Variants in RPUSD1 observed in about 807,000 individuals in gnomAD.
The protein encoded by RPUSD1 is RNA pseudouridine synthase domain containing 1, also known as pseudouridylate synthase RPUSD1.
RPUSD1 carries 28 observed loss-of-function variants against 22.4 expected under a neutral mutation model. The ratio of observed to expected loss-of-function variants is 1.25; its 90% CI spans 0.93 to 1.72. The LOEUF is 1.72. Among genes scored for constraint, RPUSD1 ranks in the 40% most tolerant of loss-of-function variants. RPUSD1 has a pLI of 0.00. For synonymous variants in RPUSD1, 298 were observed against 201.0 expected, an observed-to-expected ratio of 1.48 and a Z score of -4.08; for missense variants, 596 against 442.2, an observed-to-expected ratio of 1.35 and a Z score of -3.12.
Position 786,730 on chromosome 16 carries a change from C to G in RPUSD1, c.511+97G>C, listed in dbSNP as rs755724173. 3 of 1,006,294 alleles carry G rather than the reference C, an allele frequency of 3.0e-6. No individual in the cohort carries two copies. In the East Asian group the frequency reaches 7.1e-5, roughly 24 times the overall value. The allele number at this position is 1,006,294 out of a possible 1,614,324, so 62.3% of individuals were successfully genotyped here. On this transcript the variant is annotated intron_variant, in intron 5 of 5. Coordinates refer to ENST00000007264, the MANE Select transcript of RPUSD1 (RefSeq NM_058192.3). ...AACGCAGGAGTGCTTGTTGCCAGCTCTGCCCTGATGCTCAGGGTGGCCCAA... is the reference window on the plus strand; with the variant it reads ...AACGCAGGAGTGCTTGTTGCCAGCTGTGCCCTGATGCTCAGGGTGGCCCAA...
intron 3 of RPUSD1, 59 bp downstream of exon 3, chr16:787,295 C>T (rs894982399): frequency 6.4e-7 from 1 of 1,550,744 alleles, no homozygotes. Context: ...CCAGGGCTGC[C>T]CAAGTGGGGT....
chr16:786,476 T>G (rs961785192), intron 5 of RPUSD1, 99 bp from the exon 6 acceptor site: 2 of 1,224,230 alleles, frequency 1.6e-6, no homozygotes, highest in Non-Finnish European at 2.3e-6. Flanking sequence ...CCCGCTGCAG[T>G]CTTGAAGCAG....
chr16:785,897 C>T lies in RPUSD1; in HGVS notation c.*53G>A. 1 of 1,361,622 alleles carries T rather than the reference C, an allele frequency of 7.3e-7. No homozygotes were observed. The highest frequency in any genetic ancestry group is 3.2e-5 in the Admixed American group (1 of 31,686). The allele number at this position is 1,361,622 out of a possible 1,614,324, so 84.3% of individuals were successfully genotyped here. A position where few individuals can be genotyped will look rare whatever the true frequency, so the allele number is the denominator to read the frequency against. ...AGTGAGCAGACGCTCGCTCGCCCAT[C>T]TCCCTAGAGTCCCGCTGTGCAGCTG... On this transcript the variant is annotated 3_prime_UTR_variant, in exon 6 of 6. Transcript: ENST00000007264.
chr16:787,188 G>C lies in RPUSD1; in HGVS notation c.307-9C>G. The C allele has an allele frequency of 6.3e-7, 1 of 1,598,294 alleles. No homozygotes were observed. Among genetic ancestry groups the C allele is most frequent in the South Asian group, 1.1e-5 (1 of 89,834 alleles). ...TGGATGTGCCCCCGCAGCTGCAGGA[G>C]AGGGAGAATCGCACGCAGTTCACGG... On this transcript the variant is annotated splice_polypyrimidine_tract_variant and intron_variant, in intron 3 of 5. Coordinates refer to ENST00000007264, the MANE Select transcript of RPUSD1 (RefSeq NM_058192.3).
chr16:787,962 G>A (rs2042014982), intron 1 of RPUSD1: 4 of 596,420 alleles, frequency 6.7e-6, no homozygotes, highest in South Asian at 2.0e-5. Context: ...TGACCTGAAG[G>A]GCCCTGCCTG....
chr16:787,899 G>C (rs1276923967), intron 1 of RPUSD1, 155 bp from the exon 2 acceptor site: 1 of 697,166 alleles, frequency 1.4e-6, no homozygotes, highest in Non-Finnish European at 2.4e-6. Context: ...CAGTCCCCGA[G>C]ATCAGTCCCC....
In RPUSD1 at chr16:787,104, GGGCCC is replaced by G; in HGVS notation, c.377_381del (p.Arg126ProfsTer12). Reference sequence around the variant, plus strand: ...TGCGAGCCCTCGATGCACATGGTGTGGGCCCGGCCCTCCGTGCTGTTCCTGCCAAT... The same window carrying G: ...TGCGAGCCCTCGATGCACATGGTGTGGGCCCTCCGTGCTGTTCCTGCCAAT... On this transcript the variant is annotated frameshift_variant, in exon 4 of 6. Transcript: ENST00000007264. LOFTEE classifies it high-confidence loss of function. 6.2e-7 allele frequency: 1 copy of G among 1,607,704 alleles called. No individual in the cohort carries two copies. The highest frequency in any genetic ancestry group is 2.2e-5 in the East Asian group (1 of 44,646).
Position 787,198 on chromosome 16 carries a change from C to T in RPUSD1, c.307-19G>A, listed in dbSNP as rs551726430. 37 of 1,591,032 alleles carry T rather than the reference C, an allele frequency of 2.3e-5. No homozygotes were observed. The highest frequency in any genetic ancestry group is 6.7e-5 in the African/African-American group (5 of 74,376). Reference sequence around the variant, plus strand: ...CCCGCAGCTGCAGGAGAGGGAGAATCGCACGCAGTTCACGGGGCAGCCCAG... The same window carrying T: ...CCCGCAGCTGCAGGAGAGGGAGAATTGCACGCAGTTCACGGGGCAGCCCAG... On this transcript the variant is annotated intron_variant, in intron 3 of 5. Coordinates refer to ENST00000007264, the MANE Select transcript of RPUSD1 (RefSeq NM_058192.3).
At position 785,570 on chromosome 16, in the gene RPUSD1, C is replaced by T; in HGVS notation, c.*380G>A. The stretch of plus-strand genomic sequence containing the variant: ...AGCCCATCCTGGAGGCAAAGCCTAT[C>T]CCAAAACCTGGCCCTGCCTCTTCCT... On this transcript the variant is annotated 3_prime_UTR_variant, in exon 6 of 6. Coordinates refer to ENST00000007264, the MANE Select transcript of RPUSD1 (RefSeq NM_058192.3). 5.1e-6 allele frequency: 1 copy of T among 196,278 alleles called. No homozygotes were observed. The highest frequency in any genetic ancestry group is 1.0e-5 in the Non-Finnish European group (1 of 97,354). The allele number at this position is 196,278 out of a possible 1,614,324, so 12.2% of individuals were successfully genotyped here. A position where few individuals can be genotyped will look rare whatever the true frequency, so the allele number is the denominator to read the frequency against.
At chr16:786,448 C>G (rs2041916036) in intron 5 of RPUSD1, 71 bp from the exon 6 acceptor site, 2 of 1,483,130 alleles carry the variant, frequency 1.3e-6, no homozygotes, top group Admixed American at 3.6e-5. Flanking sequence ...CTGACCAGGA[C>G]CCACCTCCCG....
At position 786,332 on chromosome 16, in the gene RPUSD1, G is replaced by A. The variant is rs376392717; in HGVS notation, c.557C>T (p.Pro186Leu). The A allele has an allele frequency of 6.2e-7, 1 of 1,612,338 alleles. No homozygotes were observed. Among genetic ancestry groups the A allele is most frequent in the Non-Finnish European group, 8.5e-7 (1 of 1,179,816 alleles). The change falls in exon 6 of 6, where the codon CCC (proline) becomes CTC (leucine). Residue 186 changes from proline (P) to leucine (L), a missense_variant. Coordinates refer to ENST00000007264, the MANE Select transcript of RPUSD1 (RefSeq NM_058192.3). ...TCCGTAGGTCAGGTCGCCCACCACGGGGTGGCCCAGGGCACTGCAGTGCAC... is the reference window on the plus strand; with the variant it reads ...TCCGTAGGTCAGGTCGCCCACCACGAGGTGGCCCAGGGCACTGCAGTGCAC... Reference protein sequence around the residue: ...LRVHCSALGHPVVGDLTYGEV... With the variant: ...LRVHCSALGHLVVGDLTYGEV...
At position 788,316 on chromosome 16, in the gene RPUSD1, G is replaced by A. The variant is rs2042036722; in HGVS notation, c.-68C>T. 3 of 221,862 alleles carry A rather than the reference G, an allele frequency of 1.4e-5. No individual in the cohort carries two copies. Among genetic ancestry groups the A allele is most frequent in the Non-Finnish European group, 8.8e-6 (1 of 113,500 alleles). 13.7% of individuals were successfully genotyped at this position (221,862 alleles called of 1,614,324 possible). A position where few individuals can be genotyped will look rare whatever the true frequency, so the allele number is the denominator to read the frequency against. ...CGTGCCCGGCGCCGGCTCCAGCCGCGCGCCCGCGCGCTGGCGACCCAGAGA... is the reference window on the plus strand; with the variant it reads ...CGTGCCCGGCGCCGGCTCCAGCCGCACGCCCGCGCGCTGGCGACCCAGAGA... On this transcript the variant is annotated 5_prime_UTR_variant, in exon 1 of 6. Transcript: ENST00000007264.
At position 787,378 on chromosome 16, in the gene RPUSD1, G is replaced by C; in HGVS notation, c.282C>G (p.Arg94=). The C allele has an allele frequency of 6.3e-7, 1 of 1,589,590 alleles. No homozygotes were observed. Among genetic ancestry groups the C allele is most frequent in the East Asian group, 2.3e-5 (1 of 42,950 alleles). Residue 94 remains arginine (R), a synonymous_variant, in exon 3 of 6, where the codon CGC becomes CGG. Coordinates refer to ENST00000007264, the MANE Select transcript of RPUSD1 (RefSeq NM_058192.3). ...GSAYRCFKER[R]VTKAYLALLR... ...CCAATGCCAGGTAAGCCTTGGTCAC[G>C]CGCCGCTCCTTGAAGCACCTGTACG...
Position 787,620 on chromosome 16 carries a change from G to A in RPUSD1, c.118C>T (p.Leu40=), listed in dbSNP as rs576430743. 5.6e-6 allele frequency: 9 copies of A among 1,611,934 alleles called. No individual in the cohort carries two copies. The highest frequency in any genetic ancestry group is 2.7e-5 in the African/African-American group (2 of 75,072). ...DSKAWRETLT[L]QKQLRYRFPE... is the part of the protein sequence containing the mutation. ...AAGCGGTACCGCAGCTGCTTCTGCAGGGTCAGAGTCTCCCGCCACGCCTTG... is the reference window on the plus strand; with the variant it reads ...AAGCGGTACCGCAGCTGCTTCTGCAAGGTCAGAGTCTCCCGCCACGCCTTG... The change falls in exon 2 of 6, where the codon CTG becomes TTG. Residue 40 remains leucine, a synonymous_variant. Coordinates refer to ENST00000007264, the MANE Select transcript of RPUSD1 (RefSeq NM_058192.3).
Position 786,535 on chromosome 16 carries a change from A to C in RPUSD1, c.512-158T>G. On this transcript the variant is annotated intron_variant, in intron 5 of 5. Coordinates refer to ENST00000007264, the MANE Select transcript of RPUSD1 (RefSeq NM_058192.3). Reference sequence around the variant, plus strand: ...GTCCCCTGCCATGAGTGAGGATGACAGTATTTAGGACAGAAGATTGTGTTC... The same window carrying C: ...GTCCCCTGCCATGAGTGAGGATGACCGTATTTAGGACAGAAGATTGTGTTC... 3 of 780,038 alleles carry C rather than the reference A, an allele frequency of 3.8e-6. No homozygotes were observed. In the Admixed American group the frequency reaches 6.3e-5, roughly 16 times the overall value. 48.3% of individuals were successfully genotyped at this position (780,038 alleles called of 1,614,324 possible). A position where few individuals can be genotyped will look rare whatever the true frequency, so the allele number is the denominator to read the frequency against.
rs754796480 is a variant in RPUSD1 at position 786,599 on chromosome 16, G to A, written c.512-222C>T. 6.5e-5 allele frequency: 48 copies of A among 738,590 alleles called. 1 individual carries two copies. Among genetic ancestry groups the A allele is most frequent in the South Asian group, 4.4e-4 (30 of 67,600 alleles). The allele number at this position is 738,590 out of a possible 1,614,324, so 45.8% of individuals were successfully genotyped here. A position where few individuals can be genotyped will look rare whatever the true frequency, so the allele number is the denominator to read the frequency against. ...TGAGGACAGGGCCAGGGTGGTGCTC[G>A]GTCCTGGAGAATCTAGGCCAGCCAG... On this transcript the variant is annotated intron_variant, in intron 5 of 5. Coordinates refer to ENST00000007264, the MANE Select transcript of RPUSD1 (RefSeq NM_058192.3).
In RPUSD1 at chr16:786,286, G is replaced by T; in HGVS notation, c.603C>A (p.Asp201Glu). ...CGTGCAGCATCATTCTGAACGGCCG[G>T]TCCTCCCGGCCCGAGACTTCTCCGT... is the stretch of plus-strand genomic sequence containing the variant. Reference protein sequence around the residue: ...LTYGEVSGREDRPFRMMLHAF... With the variant: ...LTYGEVSGREERPFRMMLHAF... Residue 201 changes from aspartate to glutamate, a missense_variant, in exon 6 of 6, where the codon GAC (aspartate) becomes GAA (glutamate). Coordinates refer to ENST00000007264, the MANE Select transcript of RPUSD1 (RefSeq NM_058192.3). 6.2e-7 allele frequency: 1 copy of T among 1,612,742 alleles called. No individual in the cohort carries two copies. The highest frequency in any genetic ancestry group is 8.5e-7 in the Non-Finnish European group (1 of 1,179,940).
chr16:786,673 G>C (rs766417285), intron 5 of RPUSD1, 154 bp downstream of exon 5: 5 of 768,166 alleles, frequency 6.5e-6, no homozygotes, highest in Admixed American at 1.9e-5. Flanking sequence ...TGTCAGGTGA[G>C]AAGCTGAGAG....
At chr16:787,252 G>A (rs2041969496) in intron 3 of RPUSD1, 73 bp from the exon 4 acceptor site, 5 of 1,550,262 alleles carry the variant, frequency 3.2e-6, no homozygotes, top group Non-Finnish European at 4.4e-6. Flanking sequence ...CTAACACCAA[G>A]CAACCACGTA....
Sources: gnomAD v4.1 joint callset for allele counts on GRCh38, gnomAD v4.1.1 for gene constraint, MANE v1.5 for transcripts, NCBI Gene and HGNC (gene_info 2026-07-23, HGNC 2026-07-21) for gene names.